SCFD1: variants seen among roughly 807,000 people sequenced by gnomAD.
SCFD1 encodes the protein sec1 family domain containing 1, also known as sec1 family domain-containing protein 1.
In SCFD1, 37 loss-of-function variants were observed where a neutral mutation model predicts 103.2. The observed-to-expected ratio is 0.36, with a 90% confidence interval of 0.28 to 0.47. The LOEUF (loss-of-function observed/expected upper bound fraction) is 0.47, where lower values mean the gene tolerates loss of function less well. Among genes scored for constraint, SCFD1 ranks in the 20% least tolerant of loss-of-function variants. The pLI is 1.00. For missense variants in SCFD1, 639 were observed against 761.2 expected (o/e 0.84, Z 1.89); for synonymous variants, 264 against 245.0 (o/e 1.08, Z -0.73).
chr14:30,661,465 A>T (rs1887442934), intron 10 of SCFD1, among the ~76,000 whole-genome samples: 1 of 152,150 alleles, frequency 6.6e-6, no homozygotes, highest in African/African-American at 2.4e-5. Context: ...AGCCCATCTT[A>T]ATATATATGT....
intron 6 of SCFD1, among the ~76,000 whole-genome samples, chr14:30,640,352 A>G (rs375963739): frequency 2.6e-5 from 4 of 152,188 alleles, no homozygotes; most frequent in African/African-American, 7.2e-5. Context: ...TATTTGCTCA[A>G]TTGTTCATGT....
intron 11 of SCFD1, among the ~76,000 whole-genome samples, chr14:30,673,040 A>T (rs909550938): frequency 6.6e-6 from 1 of 152,184 alleles, no homozygotes; most frequent in African/African-American, 2.4e-5. Context: ...TTAGATGTAT[A>T]TTATATGCAT....
chr14:30,639,780 T>C lies in SCFD1; in HGVS notation c.439T>C (p.Phe147Leu). 1 of 1,573,706 alleles carries C rather than the reference T, an allele frequency of 6.4e-7. No homozygotes were observed. Among genetic ancestry groups the C allele is most frequent in the African/African-American group, 1.4e-5 (1 of 73,066 alleles). The change falls in exon 6 of 25, where the codon TTT becomes CTT. Residue 147 changes from phenylalanine (F) to leucine (L), a missense_variant. Physicochemically the swap from Phe to Leu is conservative, Grantham distance 22. Transcript: ENST00000458591. Reference protein sequence around the residue: ...ASAVTQVAKVFDQYLNFITLE... With the variant: ...ASAVTQVAKVLDQYLNFITLE... Reference sequence around the variant, plus strand: ...AAACCTTTTCTTTTGTTTCTAGGTTTTTGACCAATATCTCAATTTTATTAC... The same window carrying C: ...AAACCTTTTCTTTTGTTTCTAGGTTCTTGACCAATATCTCAATTTTATTAC...
chr14:30,721,880 A>G lies in SCFD1; in HGVS notation c.1737-4A>G. On this transcript the variant is annotated splice_region_variant and splice_polypyrimidine_tract_variant and intron_variant, in intron 21 of 24. Transcript: ENST00000458591. ...ATTTTCATTACGGTTTTTCTTTATT[A>G]CAGCTCAGTTCCCAGAAATAAAAAT... is the stretch of plus-strand genomic sequence containing the variant. The G allele has an allele frequency of 6.2e-7, 1 of 1,607,920 alleles. No individual in the cohort carries two copies. Among genetic ancestry groups the G allele is most frequent in the Non-Finnish European group, 8.5e-7 (1 of 1,175,694 alleles).
intron 2 of SCFD1, 27 bp downstream of exon 2, chr14:30,628,306 A>G: frequency 6.6e-7 from 1 of 1,505,448 alleles, no homozygotes; most frequent in African/African-American, 1.4e-5. Context: ...ATGGGAACTG[A>G]TTTCTGTTTT....
At chr14:30,667,129 T>G (rs1262699693) in intron 10 of SCFD1, among the ~76,000 whole-genome samples, 1 of 152,198 alleles carries the variant, frequency 6.6e-6, no homozygotes, top group East Asian at 1.9e-4. Flanking sequence ...CCAATATCCC[T>G]GATGAACATC....
chr14:30,694,187 G>A (rs1890521620), intron 14 of SCFD1, among the ~76,000 whole-genome samples: 2 of 152,056 alleles, frequency 1.3e-5, no homozygotes, highest in Non-Finnish European at 2.9e-5. Context: ...AATTTTGCAT[G>A]GAGTACAATA....
intron 18 of SCFD1, among the ~76,000 whole-genome samples, chr14:30,706,876 A>G (rs977107742): frequency 3.0e-4 from 45 of 152,234 alleles, no homozygotes; most frequent in African/African-American, 1.0e-3. Context: ...AGTACTTGGC[A>G]AAAGGAATCC....
intron 10 of SCFD1, among the ~76,000 whole-genome samples, chr14:30,658,569 G>A (rs889634211): frequency 1.3e-5 from 2 of 151,722 alleles, no homozygotes; most frequent in African/African-American, 2.4e-5. Flanking sequence ...ATTTTTGTAT[G>A]TTTAATAGAG....
At chr14:30,634,252 T>G (rs1483501692) in intron 4 of SCFD1, among the ~76,000 whole-genome samples, 1 of 152,184 alleles carries the variant, frequency 6.6e-6, no homozygotes, top group East Asian at 1.9e-4. Context: ...GTCCACAGTT[T>G]CACTTTCCAC....
intron 10 of SCFD1, among the ~76,000 whole-genome samples, chr14:30,667,233 A>C (rs946636255): frequency 2.0e-5 from 3 of 152,318 alleles, no homozygotes; most frequent in Middle Eastern, 3.4e-3. Flanking sequence ...CATCCCTGGG[A>C]TGCAAGGCTG....
At chr14:30,638,860 A>G (rs1166844300) in intron 5 of SCFD1, among the ~76,000 whole-genome samples, 1 of 152,224 alleles carries the variant, frequency 6.6e-6, no homozygotes, top group Non-Finnish European at 1.5e-5. Context: ...CAAGATATGC[A>G]TTAAAGTTCC....
rs1892806413 is a variant in SCFD1 at position 30,723,589 on chromosome 14, T to A, written c.1836+1030T>A. On this transcript the variant is annotated intron_variant, in intron 23 of 24. Coordinates refer to ENST00000458591, the MANE Select transcript of SCFD1 (RefSeq NM_016106.4). ...CAGGCCCCAGTCTGTGTTGTTCCCC[T>A]CTGATGTGTCCATGTGTTCTCATCA... Among the ~76,000 whole-genome samples, 3 of 152,300 alleles carry A rather than the reference T, an allele frequency of 2.0e-5. No individual in the cohort carries two copies. The South Asian group carries it at 6.2e-4, about 32-fold the overall frequency.
chr14:30,673,879 G>C (rs758415364), intron 12 of SCFD1, 45 bp from the exon 13 acceptor site: 11 of 1,301,616 alleles, frequency 8.5e-6, no homozygotes, highest in Middle Eastern at 1.8e-4. Flanking sequence ...TTATGCTTGT[G>C]CCTGGGATTT....
chr14:30,722,462 GT>G (rs543295416), intron 22 of SCFD1, 31 bp from the exon 23 acceptor site: 39,967 of 1,148,902 alleles, frequency 0.035, no homozygotes, highest in South Asian at 0.042. Context: ...TAAAAACTGT[GT>G]TTTTTTTTTT....
At chr14:30,714,279 G>A (rs1892111964) in intron 19 of SCFD1, among the ~76,000 whole-genome samples, 1 of 151,538 alleles carries the variant, frequency 6.6e-6, no homozygotes, top group Non-Finnish European at 1.5e-5. Context: ...GCGTGAACCC[G>A]GGAAGCGGAG....
At chr14:30,668,784 A>G (rs1888262500) in intron 10 of SCFD1, among the ~76,000 whole-genome samples, 2 of 152,244 alleles carry the variant, frequency 1.3e-5, no homozygotes, top group Non-Finnish European at 2.9e-5. Flanking sequence ...TATGCAGCCA[A>G]AAGACACATG....
intron 17 of SCFD1, among the ~76,000 whole-genome samples, chr14:30,704,587 C>T (rs1891340673): frequency 6.6e-6 from 1 of 152,110 alleles, no homozygotes; most frequent in African/African-American, 2.4e-5. Context: ...CCTTTCTGAA[C>T]AAGACTGAAA....
intron 10 of SCFD1, among the ~76,000 whole-genome samples, chr14:30,667,451 A>C (rs2139187378): frequency 6.6e-6 from 1 of 152,352 alleles, no homozygotes; most frequent in Non-Finnish European, 1.5e-5. Flanking sequence ...CCAATATCAT[A>C]CTGAATGGGC....
Sources: gnomAD v4.1 joint callset for allele counts (sites outside exome capture counted in the v4.1 genomes callset) on GRCh38, gnomAD v4.1.1 for gene constraint, MANE v1.5 for transcripts, NCBI Gene and HGNC (gene_info 2026-07-23, HGNC 2026-07-21) for gene names.